DSE: variants seen among roughly 807,000 people sequenced by gnomAD.
DSE encodes the protein dermatan sulfate epimerase.
A neutral mutation model predicts 84.4 loss-of-function variants in DSE; 36 were observed. The observed-to-expected ratio is 0.43, with a 90% CI of 0.33 to 0.56. The LOEUF (loss-of-function observed/expected upper bound fraction) is 0.56, where lower values mean the gene tolerates loss of function less well. Ranked by LOEUF, DSE falls within the 20% of genes least tolerant of loss-of-function variation. DSE has a pLI of 0.06. For synonymous variants in DSE, 410 were observed against 430.1 expected (o/e 0.95, Z 0.58); for missense variants, 862 against 1,169.6 (o/e 0.74, Z 3.84).
chr6:116,435,981 G>T lies in DSE; in HGVS notation c.1513G>T (p.Asp505Tyr). 1.9e-6 allele frequency: 3 copies of T among 1,614,164 alleles called. No individual in the cohort carries two copies. Among genetic ancestry groups the T allele is most frequent in the Non-Finnish European group, 2.5e-6 (3 of 1,180,012 alleles). The change falls in exon 6 of 6, where the codon GAC becomes TAC. Residue 505 changes from aspartate (D) to tyrosine (Y), a missense_variant. By Grantham distance (160) the Asp-to-Tyr change is radical. Coordinates refer to ENST00000644252, the MANE Select transcript of DSE (RefSeq NM_013352.4). ...TCCCTGGGTGGGTCAGGTCACAGAA[G>T]ACTGCTCATCAAAATGGTCTAAATA... is the stretch of plus-strand genomic sequence containing the variant. ...FSPWVGQVTE[D>Y]CSSKWSKYKH...
chr6:116,333,063 T>C (rs1371788864), intron 2 of DSE, among the ~76,000 whole-genome samples: 1 of 152,230 alleles, frequency 6.6e-6, no homozygotes, highest in Non-Finnish European at 1.5e-5. Context: ...GGAATTCTTA[T>C]TCACTGCTAA....
intron 2 of DSE, among the ~76,000 whole-genome samples, chr6:116,362,626 G>A (rs142888451): frequency 2.3e-3 from 343 of 152,256 alleles, no homozygotes; most frequent in Non-Finnish European, 4.3e-3. Context: ...CTCCAGCACC[G>A]TGAGAAATAA....
chr6:116,435,047 G>A (rs1784062623), intron 5 of DSE, among the ~76,000 whole-genome samples: 2 of 152,006 alleles, frequency 1.3e-5, no homozygotes, highest in Admixed American at 1.3e-4. Flanking sequence ...ATGTGGTGTT[G>A]GTGATACATT....
intron 2 of DSE, among the ~76,000 whole-genome samples, chr6:116,421,849 G>C (rs1783115338): frequency 6.6e-6 from 1 of 152,224 alleles, no homozygotes; most frequent in Admixed American, 6.5e-5. Context: ...CACTTGATTT[G>C]TTGCTATGTG....
intron 2 of DSE, among the ~76,000 whole-genome samples, chr6:116,268,580 G>A (rs547312072): frequency 6.3e-4 from 96 of 152,242 alleles, no homozygotes; most frequent in African/African-American, 2.2e-3. Context: ...TCACATTCAC[G>A]ATGTCTAGCA....
intron 3 of DSE, among the ~76,000 whole-genome samples, chr6:116,429,621 G>A (rs1783676381): frequency 6.6e-6 from 1 of 152,208 alleles, no homozygotes; most frequent in Non-Finnish European, 1.5e-5. Flanking sequence ...CTAAGATTCT[G>A]TTCAGTGCTG....
chr6:116,408,087 G>A (rs941216741), intron 2 of DSE, among the ~76,000 whole-genome samples: 2 of 152,114 alleles, frequency 1.3e-5, no homozygotes, highest in African/African-American at 4.8e-5. Flanking sequence ...ATGTTCTCTA[G>A]CCCCTCATCC....
At chr6:116,304,256 G>A (rs908042967) in intron 2 of DSE, among the ~76,000 whole-genome samples, 2 of 152,180 alleles carry the variant, frequency 1.3e-5, no homozygotes, top group African/African-American at 4.8e-5. Flanking sequence ...ACATTTTCAT[G>A]AGCAAAATAT....
chr6:116,362,185 A>G (rs1255005469), intron 2 of DSE, among the ~76,000 whole-genome samples: 1 of 152,246 alleles, frequency 6.6e-6, no homozygotes, highest in Non-Finnish European at 1.5e-5. Context: ...AAGTGATTCC[A>G]ATATACAGTC....
intron 2 of DSE, among the ~76,000 whole-genome samples, chr6:116,353,871 T>C (rs905783235): frequency 3.3e-5 from 5 of 152,180 alleles, no homozygotes; most frequent in Non-Finnish European, 7.3e-5. Flanking sequence ...TTGGTAATTA[T>C]TTTAAATTTA....
intron 1 of DSE, among the ~76,000 whole-genome samples, chr6:116,392,242 TA>T (rs1032526147): frequency 6.6e-6 from 1 of 152,210 alleles, no homozygotes; most frequent in Non-Finnish European, 1.5e-5. Flanking sequence ...AGGGTTTTCC[TA>T]AAACTTCAAT....
chr6:116,400,135 C>T (rs1334960875), intron 2 of DSE: 1 of 153,104 alleles, frequency 6.5e-6, no homozygotes, highest in African/African-American at 2.4e-5. Flanking sequence ...AACACATCCC[C>T]TCCAATAACC....
chr6:116,414,380 T>C (rs1052533540), intron 2 of DSE, among the ~76,000 whole-genome samples: 5 of 151,772 alleles, frequency 3.3e-5, no homozygotes, highest in African/African-American at 1.2e-4. Flanking sequence ...TTTATAAATA[T>C]GCCATAATTT....
chr6:116,338,171 CTTT>C lies in DSE; in HGVS notation c.-53-61026_-53-61024del, dbSNP rs1777363913. On this transcript the variant is annotated intron_variant, in intron 2 of 3. Transcript: ENST00000430252. ...TTTCTTTGTGCCTTCCTTTCTGTCT[CTTT>C]CTCTTTCTTTCTTTCTTTCTTTCTT... Among the ~76,000 whole-genome samples the C allele has an allele frequency of 1.1e-4, 5 of 44,504 alleles. No individual in the cohort carries two copies. In the South Asian group the frequency reaches 8.4e-3, roughly 75 times the overall value. 29.2% of individuals were successfully genotyped at this position (44,504 alleles called of 152,430 possible).
At chr6:116,268,994 T>G (rs1325288816) in intron 2 of DSE, among the ~76,000 whole-genome samples, 1 of 150,778 alleles carries the variant, frequency 6.6e-6, no homozygotes, top group East Asian at 2.0e-4. Context: ...TATCTAGTTA[T>G]GATCACTGCC....
intron 2 of DSE, among the ~76,000 whole-genome samples, chr6:116,274,173 A>C (rs1377408549): frequency 6.6e-6 from 1 of 152,132 alleles, no homozygotes; most frequent in Non-Finnish European, 1.5e-5. Context: ...CTTAATGCAG[A>C]GCTAGACTCA....
chr6:116,377,191 T>G (rs1040433428), intron 1 of DSE, among the ~76,000 whole-genome samples: 5 of 152,192 alleles, frequency 3.3e-5, no homozygotes, highest in African/African-American at 1.2e-4. Flanking sequence ...GGCTTTGCAT[T>G]TTTTATCATG....
intron 1 of DSE, among the ~76,000 whole-genome samples, chr6:116,373,846 A>G (rs936990031): frequency 1.3e-5 from 2 of 152,210 alleles, no homozygotes; most frequent in African/African-American, 4.8e-5. Context: ...GTGATACAAT[A>G]TTTTGGTATT....
intron 2 of DSE, among the ~76,000 whole-genome samples, chr6:116,310,422 G>A (rs547423155): frequency 7.9e-5 from 12 of 151,162 alleles, no homozygotes; most frequent in South Asian, 2.1e-4. Context: ...AGCCATTCAC[G>A]ATAATCTCCA....
Sources: gnomAD v4.1 joint callset for allele counts (sites outside exome capture counted in the v4.1 genomes callset) on GRCh38, gnomAD v4.1.1 for gene constraint, MANE v1.5 for transcripts, NCBI Gene and HGNC (gene_info 2026-07-23, HGNC 2026-07-21) for gene names.